The following GALNT14 variants were observed in gnomAD, a reference collection of about 807,000 sequenced individuals.
GALNT14 encodes UDP-GalNAc:polypeptide N-acetylgalactosaminyltransferase 14.
In GALNT14, 60 loss-of-function variants were observed where a neutral mutation model predicts 77.5. That is an observed-to-expected ratio of 0.77 (90% CI 0.63 to 0.96). The LOEUF (loss-of-function observed/expected upper bound fraction) is 0.96. GALNT14 is among the 40% of genes least tolerant of loss of function. GALNT14 has a pLI of 0.00. For synonymous variants in GALNT14, 280 were observed against 281.7 expected (o/e 0.99, Z 0.06); for missense variants, 710 against 731.0 (o/e 0.97, Z 0.33).
At chr2:31,113,501 G>A (rs1453006451) in intron 1 of GALNT14, among the ~76,000 whole-genome samples, 1 of 152,176 alleles carries the variant, frequency 6.6e-6, no homozygotes, top group African/African-American at 2.4e-5. Context: ...TGTCTCTGTG[G>A]CCCAGAGGAA....
intron 1 of GALNT14, among the ~76,000 whole-genome samples, chr2:31,076,263 A>G (rs1675778574): frequency 6.6e-6 from 1 of 152,194 alleles, no homozygotes; most frequent in African/African-American, 2.4e-5. Context: ...TTCAAGGTCT[A>G]TTCTATGACT....
chr2:31,081,606 T>C (rs2148584698), intron 1 of GALNT14, among the ~76,000 whole-genome samples: 1 of 152,372 alleles, frequency 6.6e-6, no homozygotes. Context: ...TTGGGAAAAT[T>C]ATACACATTT....
intron 1 of GALNT14, among the ~76,000 whole-genome samples, chr2:31,112,136 C>T (rs925245718): frequency 2.6e-5 from 4 of 152,160 alleles, no homozygotes; most frequent in South Asian, 2.1e-4. Flanking sequence ...TGTCTTTCTG[C>T]TCCTGCCCAT....
chr2:30,962,144 G>A lies in GALNT14; in HGVS notation c.399-3680C>T, dbSNP rs187995672. On this transcript the variant is annotated intron_variant, in intron 3 of 14. Transcript: ENST00000349752. The stretch of plus-strand genomic sequence containing the variant: ...CTCACAATATACACCTGTTGTCACC[G>A]CTCAGGCTCACCATATGCCAGGCAC... Among the ~76,000 whole-genome samples, 5 of 152,242 alleles carry A rather than the reference G, an allele frequency of 3.3e-5. No homozygotes were observed. In the East Asian group the frequency reaches 7.7e-4, roughly 24 times the overall value.
intron 13 of GALNT14, among the ~76,000 whole-genome samples, chr2:30,922,500 A>G (rs943676739): frequency 6.6e-6 from 1 of 151,566 alleles, no homozygotes; most frequent in East Asian, 1.9e-4. Flanking sequence ...CTCCAACCCT[A>G]CTCTCCCACT....
At chr2:31,103,345 T>C (rs1677382709) in intron 1 of GALNT14, among the ~76,000 whole-genome samples, 1 of 151,978 alleles carries the variant, frequency 6.6e-6, no homozygotes, top group South Asian at 2.1e-4. Flanking sequence ...ATAAAGTTGG[T>C]GTATTCCCTT....
intron 1 of GALNT14, among the ~76,000 whole-genome samples, chr2:31,014,647 C>G (rs1010886819): frequency 6.6e-6 from 1 of 152,160 alleles, no homozygotes; most frequent in African/African-American, 2.4e-5. Flanking sequence ...GTCAGCAAGT[C>G]AGATTCTAGA....
chr2:31,046,123 C>T (rs1196718460), intron 1 of GALNT14, among the ~76,000 whole-genome samples: 2 of 151,908 alleles, frequency 1.3e-5, no homozygotes, highest in Admixed American at 6.6e-5. Context: ...TTACCATCCA[C>T]ATTTTACATA....
At position 31,006,550 on chromosome 2, in the gene GALNT14, C is replaced by T. The variant is rs368450831; in HGVS notation, c.130-13543G>A. ...GAGGTGCTGGGATGAAACCCAGGCA[C>T]GCAGATTCCATGCACAACCTTGCAA... On this transcript the variant is annotated intron_variant, in intron 1 of 14. Coordinates refer to ENST00000349752, the MANE Select transcript of GALNT14 (RefSeq NM_024572.4). 3.5e-4 allele frequency among the ~76,000 whole-genome samples: 54 copies of T among 152,238 alleles called. 1 individual carries two copies. The South Asian group carries it at 4.8e-3, about 13-fold the overall frequency.
At chr2:31,050,588 T>C (rs1340916419) in intron 1 of GALNT14, among the ~76,000 whole-genome samples, 1 of 151,972 alleles carries the variant, frequency 6.6e-6, no homozygotes, top group Non-Finnish European at 1.5e-5. Flanking sequence ...ACTAGTAAAA[T>C]CTGAATAAAG....
rs754623802 is a variant in GALNT14 at position 30,945,886 on chromosome 2, C to A, written c.655-16G>T. The A allele has an allele frequency of 2.5e-6, 4 of 1,611,590 alleles. No individual in the cohort carries two copies. The highest frequency in any genetic ancestry group is 3.4e-6 in the Non-Finnish European group (4 of 1,177,726). Reference sequence around the variant, plus strand: ...GCGTGTAGTCCTGTAAGACAACAGACCCGCACTTAGCTTATGGAGAGGAGC... The same window carrying A: ...GCGTGTAGTCCTGTAAGACAACAGAACCGCACTTAGCTTATGGAGAGGAGC... On this transcript the variant is annotated splice_polypyrimidine_tract_variant and intron_variant, in intron 6 of 14. Coordinates refer to ENST00000349752, the MANE Select transcript of GALNT14 (RefSeq NM_024572.4).
chr2:31,051,680 C>T (rs1158562422), intron 1 of GALNT14, among the ~76,000 whole-genome samples: 1 of 152,172 alleles, frequency 6.6e-6, no homozygotes, highest in Non-Finnish European at 1.5e-5. Context: ...CCAGGCAAGC[C>T]GAGGGCCTGG....
intron 10 of GALNT14, among the ~76,000 whole-genome samples, chr2:30,930,840 C>T (rs533809558): frequency 1.4e-4 from 22 of 152,382 alleles, no homozygotes; most frequent in Non-Finnish European, 2.8e-4. Context: ...ACATTGGAAG[C>T]TGTTTAGCAG....
At chr2:31,055,535 C>G (rs1674152439) in intron 1 of GALNT14, among the ~76,000 whole-genome samples, 1 of 152,146 alleles carries the variant, frequency 6.6e-6, no homozygotes, top group African/African-American at 2.4e-5. Flanking sequence ...TATCTAATCT[C>G]TGAGCTCTGG....
At chr2:31,017,030 C>T (rs79470921) in intron 1 of GALNT14, among the ~76,000 whole-genome samples, 230 of 152,322 alleles carry the variant, frequency 1.5e-3, no homozygotes, top group African/African-American at 5.3e-3. Context: ...GTGATGATCA[C>T]TTTATGGTTA....
chr2:30,947,842 G>A (rs1198323809), intron 6 of GALNT14, among the ~76,000 whole-genome samples: 1 of 152,154 alleles, frequency 6.6e-6, no homozygotes, highest in Non-Finnish European at 1.5e-5. Context: ...TCCCACATGT[G>A]ACTCATTCTG....
At chr2:31,034,787 G>T (rs1405196887) in intron 1 of GALNT14, among the ~76,000 whole-genome samples, 1 of 152,096 alleles carries the variant, frequency 6.6e-6, no homozygotes, top group Non-Finnish European at 1.5e-5. Flanking sequence ...ATTTGTATAT[G>T]TTGTGTTTTT....
intron 2 of GALNT14, among the ~76,000 whole-genome samples, chr2:30,979,371 C>T (rs1456857463): frequency 6.6e-6 from 1 of 152,076 alleles, no homozygotes; most frequent in Non-Finnish European, 1.5e-5. Flanking sequence ...TGAGATGAAG[C>T]AGACGGGAGC....
At chr2:31,073,224 AG>A (rs1400257372) in intron 1 of GALNT14, 1 of 152,196 alleles carries the variant, frequency 6.6e-6, no homozygotes, top group African/African-American at 2.4e-5. Flanking sequence ...GATTTTTGTG[AG>A]GTTTAGATAA....
Sources: allele counts gnomAD v4.1 joint callset (sites outside exome capture counted in the v4.1 genomes callset), GRCh38; gene constraint gnomAD v4.1.1; transcripts MANE v1.5; gene names NCBI Gene and HGNC (gene_info 2026-07-23, HGNC 2026-07-21).